SPATA22: variants seen among roughly 807,000 people sequenced by gnomAD.
SPATA22 encodes the protein spermatogenesis associated 22, also known as spermatogenesis-associated protein 22.
SPATA22 carries 29 observed loss-of-function variants against 47.8 expected under a neutral mutation model. The ratio of observed to expected loss-of-function variants is 0.61; its 90% CI spans 0.45 to 0.83. SPATA22 has a LOEUF of 0.83. SPATA22 is among the 40% of genes least tolerant of loss of function. The pLI is 0.00. For missense variants in SPATA22, 410 were observed against 421.7 expected (o/e 0.97, Z 0.24); for synonymous variants, 133 against 140.9 (o/e 0.94, Z 0.40).
chr17:3,443,378 G>A, intron 7 of SPATA22, 107 bp from the exon 8 acceptor site: 1 of 693,520 alleles, frequency 1.4e-6, no homozygotes, highest in East Asian at 2.9e-5. Context: ...ACCTCTCATA[G>A]TGCTATTTAT....
Position 3,467,535 on chromosome 17 carries a change from C to A in SPATA22, c.63G>T (p.Leu21Phe). The A allele has an allele frequency of 6.2e-7, 1 of 1,606,780 alleles. No homozygotes were observed. The highest frequency in any genetic ancestry group is 1.1e-5 in the South Asian group (1 of 89,294). ...GTCTGTTCCTCTTTTTCTGATTGAA[C>A]AACGGAACAGGCAAACAGCCTAAAT... ...RSTAGCLPVP[L>F]FNQKKRNRQP... The change falls in exon 3 of 9, where the codon TTG becomes TTT. Residue 21 changes from leucine (L) to phenylalanine (F), a missense_variant. Leu to Phe is a conservative substitution (Grantham distance 22). Transcript: ENST00000572969.
At chr17:3,483,689 GT>G in intron 1 of SPATA22, 6 of 1,191,172 alleles carry the variant, frequency 5.0e-6, no homozygotes, top group Non-Finnish European at 7.3e-6. Flanking sequence ...TTGAGACAGA[GT>G]CTTGCTCTGT....
chr17:3,451,960 A>G (rs1440000256), intron 5 of SPATA22, among the ~76,000 whole-genome samples: 5 of 151,682 alleles, frequency 3.3e-5, no homozygotes, highest in Admixed American at 6.6e-5. Context: ...TAAAAAAAAA[A>G]AAAAGAAAAC....
chr17:3,441,590 C>A (rs563034518), intron 8 of SPATA22: 5 of 152,152 alleles, frequency 3.3e-5, no homozygotes, highest in Non-Finnish European at 7.4e-5. Flanking sequence ...TTGAAAAATT[C>A]TTTGGCAATA....
In SPATA22 at chr17:3,446,594, G is replaced by C. The variant is rs758421014; in HGVS notation, c.680C>G (p.Ser227Ter). 3 of 1,549,698 alleles carry C rather than the reference G, an allele frequency of 1.9e-6. No homozygotes were observed. The highest frequency in any genetic ancestry group is 2.6e-6 in the Non-Finnish European group (3 of 1,145,438). ...IPEDNTLKET[S>*]LYQLQFKEKA... is the part of the protein sequence containing the mutation. ...TTCCTTAAACTGTAACTGATACAAT[G>C]AGGTTTCCTTTTGAAAAAATAAGAA... is the stretch of plus-strand genomic sequence containing the variant. Residue 227 changes from serine (S) to a stop codon, truncating the protein, a stop_gained, in exon 7 of 9, where the codon TCA becomes TGA. Coordinates refer to ENST00000572969, the MANE Select transcript of SPATA22 (RefSeq NM_001170698.2). LOFTEE classifies it high-confidence loss of function.
At chr17:3,486,935 G>A (rs963274701) in intron 1 of SPATA22, among the ~76,000 whole-genome samples, 19 of 152,156 alleles carry the variant, frequency 1.2e-4, no homozygotes, top group African/African-American at 3.4e-4. Flanking sequence ...CAGGGGTGGC[G>A]TTGAATGAAT....
At position 3,489,373 on chromosome 17, in the gene SPATA22, C is replaced by T. The variant is rs769048944; in HGVS notation, c.-73-19975G>A. ...TAATAATGAAGGTAACGTTATCAAACTTAACCACCAAACATTTAAATAACA... is the reference window on the plus strand; with the variant it reads ...TAATAATGAAGGTAACGTTATCAAATTTAACCACCAAACATTTAAATAACA... On this transcript the variant is annotated intron_variant, in intron 1 of 8. Coordinates refer to the SPATA22 transcript ENST00000541913. The T allele has an allele frequency of 7.3e-6, 11 of 1,505,850 alleles. No homozygotes were observed. In the South Asian group the frequency reaches 1.0e-4, roughly 14 times the overall value. 93.3% of individuals were successfully genotyped at this position (1,505,850 alleles called of 1,614,324 possible).
chr17:3,478,298 C>T (rs1215856622), intron 1 of SPATA22, among the ~76,000 whole-genome samples: 2 of 152,130 alleles, frequency 1.3e-5, no homozygotes, highest in Non-Finnish European at 2.9e-5. Context: ...TAGGTTTAGT[C>T]TCAACACAGA....
intron 1 of SPATA22, among the ~76,000 whole-genome samples, chr17:3,477,783 G>A (rs2073552893): frequency 6.6e-6 from 1 of 151,880 alleles, no homozygotes; most frequent in Non-Finnish European, 1.5e-5. Context: ...AAAATATTCT[G>A]AAACATCTGT....
chr17:3,467,358 T>C, intron 3 of SPATA22, 68 bp downstream of exon 3: 2 of 1,252,822 alleles, frequency 1.6e-6, no homozygotes, highest in South Asian at 3.0e-5. Flanking sequence ...CATTATAATA[T>C]AAATTACAAT....
chr17:3,502,059 A>G (rs913892832), intron 1 of SPATA22: 3 of 152,242 alleles, frequency 2.0e-5, no homozygotes, highest in Non-Finnish European at 4.4e-5. Flanking sequence ...CAATCAATGC[A>G]GCGAACTTGT....
At chr17:3,504,903 C>T (rs1458510124) in intron 1 of SPATA22, among the ~76,000 whole-genome samples, 1 of 152,320 alleles carries the variant, frequency 6.6e-6, no homozygotes, top group East Asian at 1.9e-4. Flanking sequence ...TGTTTACAAT[C>T]CTTTGGTGGC....
chr17:3,476,712 A>C (rs964708888), upstream of SPATA22, among the ~76,000 whole-genome samples: 9 of 152,224 alleles, frequency 5.9e-5, no homozygotes. Context: ...AACAGATTTA[A>C]TACTCCTTTG....
At position 3,507,533 on chromosome 17, in the gene SPATA22, T is replaced by TA. The variant is rs1231830202; in HGVS notation, c.-74+5878dup. On this transcript the variant is annotated intron_variant, in intron 1 of 8. Transcript: ENST00000541913. ...AATCCTTTCTGCAGAACTTTGCTGTTACTGTCAGAGGGGTTGCTGGTGCAG... is the reference window on the plus strand; with the variant it reads ...AATCCTTTCTGCAGAACTTTGCTGTTAACTGTCAGAGGGGTTGCTGGTGCAG... 2.0e-5 allele frequency among the ~76,000 whole-genome samples: 3 copies of TA among 152,350 alleles called. No homozygotes were observed. In the East Asian group the frequency reaches 5.8e-4, roughly 29 times the overall value.
chr17:3,481,059 G>A (rs528094085), intron 1 of SPATA22, among the ~76,000 whole-genome samples: 1 of 151,566 alleles, frequency 6.6e-6, no homozygotes, highest in Admixed American at 6.6e-5. Context: ...GGAGTTTGAG[G>A]GTACAGTGAT....
intron 1 of SPATA22, among the ~76,000 whole-genome samples, chr17:3,489,513 C>A (rs1022365315): frequency 6.6e-6 from 1 of 152,092 alleles, no homozygotes; most frequent in Non-Finnish European, 1.5e-5. Flanking sequence ...AAAGCAGCTG[C>A]CAAATAAAGA....
chr17:3,463,946 C>G (rs1200018254), intron 3 of SPATA22, among the ~76,000 whole-genome samples: 1 of 80,302 alleles, frequency 1.2e-5, no homozygotes, highest in Non-Finnish European at 2.5e-5. Flanking sequence ...TCTCCCTCTC[C>G]CTCTGCCTCT....
At chr17:3,473,353 T>C (rs1274940912), upstream of SPATA22, among the ~76,000 whole-genome samples, 1 of 152,154 alleles carries the variant, frequency 6.6e-6, no homozygotes, top group Non-Finnish European at 1.5e-5. Flanking sequence ...ACATCTTATG[T>C]ATAATATTTA....
intron 1 of SPATA22, chr17:3,510,474 C>T (rs1165711318): frequency 1.3e-5 from 2 of 152,218 alleles, no homozygotes. Context: ...CACATTGGCA[C>T]ACCTAACGCA....
Sources: gnomAD v4.1 joint callset for allele counts (sites outside exome capture counted in the v4.1 genomes callset) on GRCh38, gnomAD v4.1.1 for gene constraint, MANE v1.5 for transcripts, NCBI Gene and HGNC (gene_info 2026-07-23, HGNC 2026-07-21) for gene names.